Variants in AKR1C8 observed in about 807,000 individuals in gnomAD.
AKR1C8 encodes the protein aldo-keto reductase family 1 member C-like protein 1.
At chr10:5,159,046 G>A in the AKR1C8 span, among the ~76,000 whole-genome samples, 1 of 152,154 alleles carries the variant, frequency 6.6e-6, no homozygotes, top group South Asian at 2.1e-4. Context: ...GTTTCCATTT[G>A]AGCCTAGAAG....
At chr10:5,127,142 T>A in the AKR1C8 span, among the ~76,000 whole-genome samples, 1 of 152,054 alleles carries the variant, frequency 6.6e-6, no homozygotes, top group Non-Finnish European at 1.5e-5. Flanking sequence ...AAATACCAGA[T>A]AATGAATTTA....
At chr10:5,161,024 C>T in the AKR1C8 span, 1 of 394,286 alleles carries the variant, frequency 2.5e-6, no homozygotes, top group Non-Finnish European at 5.0e-6. Flanking sequence ...CATATTTGTG[C>T]CTACATTTGC....
the AKR1C8 span, among the ~76,000 whole-genome samples, chr10:5,141,510 A>G: frequency 1.3e-5 from 2 of 152,182 alleles, no homozygotes; most frequent in Non-Finnish European, 2.9e-5. Flanking sequence ...TAGATTCATC[A>G]GAAGAATCAT....
chr10:5,171,201 G>C, the AKR1C8 span, among the ~76,000 whole-genome samples: 1 of 152,038 alleles, frequency 6.6e-6, no homozygotes, highest in Admixed American at 6.6e-5. Flanking sequence ...AAGAGTACCT[G>C]TTAGAGCTTT....
chr10:5,133,363 G>A, the AKR1C8 span, among the ~76,000 whole-genome samples: 5 of 152,176 alleles, frequency 3.3e-5, no homozygotes, highest in South Asian at 2.1e-4. Context: ...AAAATGCTGC[G>A]ATTACAGGCG....
the AKR1C8 span, among the ~76,000 whole-genome samples, chr10:5,119,637 G>A: frequency 6.6e-5 from 10 of 152,194 alleles, no homozygotes; most frequent in African/African-American, 1.4e-4. Flanking sequence ...ATAAAGTGAA[G>A]AAGTGAAAGG....
the AKR1C8 span, chr10:5,135,169 C>T: frequency 4.4e-6 from 1 of 224,946 alleles, no homozygotes. Flanking sequence ...GTGCCAAATC[C>T]TAATACAGGC....
the AKR1C8 span, among the ~76,000 whole-genome samples, chr10:5,156,791 C>T: frequency 6.6e-6 from 1 of 152,138 alleles, no homozygotes; most frequent in African/African-American, 2.4e-5. Flanking sequence ...TAATCTAGAA[C>T]TACAATATTT....
At chr10:5,130,775 T>A in the AKR1C8 span, among the ~76,000 whole-genome samples, 1 of 151,808 alleles carries the variant, frequency 6.6e-6, no homozygotes, top group African/African-American at 2.4e-5. Flanking sequence ...AAAGAAATGA[T>A]ACATAAGACA....
chr10:5,157,329 G>A, the AKR1C8 span, among the ~76,000 whole-genome samples: 1 of 151,716 alleles, frequency 6.6e-6, no homozygotes, highest in African/African-American at 2.4e-5. Flanking sequence ...AGAAGGTGAA[G>A]GAGAAGAATC....
chr10:5,177,258 C>T, the AKR1C8 span, among the ~76,000 whole-genome samples: 6 of 151,914 alleles, frequency 3.9e-5, no homozygotes, highest in South Asian at 1.3e-3. Flanking sequence ...GTCTTTGGTT[C>T]TGTTTATATG....
the AKR1C8 span, among the ~76,000 whole-genome samples, chr10:5,152,862 CGG>C: frequency 2.0e-5 from 3 of 151,830 alleles, no homozygotes; most frequent in Non-Finnish European, 4.4e-5. Context: ...GATTTTAATG[CGG>C]GGAGATATTT....
At chr10:5,151,817 A>G in the AKR1C8 span, among the ~76,000 whole-genome samples, 1 of 152,114 alleles carries the variant, frequency 6.6e-6, no homozygotes, top group Non-Finnish European at 1.5e-5. Flanking sequence ...TCGGCCTCCC[A>G]AAGTGCTGGG....
At chr10:5,125,919 G>A in the AKR1C8 span, among the ~76,000 whole-genome samples, 2 of 152,176 alleles carry the variant, frequency 1.3e-5, no homozygotes, top group Non-Finnish European at 2.9e-5. Context: ...ATCTATCACT[G>A]TAGTCTGGCT....
the AKR1C8 span, among the ~76,000 whole-genome samples, chr10:5,172,771 T>C: frequency 6.6e-6 from 1 of 152,150 alleles, no homozygotes; most frequent in Non-Finnish European, 1.5e-5. Context: ...CCTTTTTTTC[T>C]TAAAAATATT....
the AKR1C8 span, among the ~76,000 whole-genome samples, chr10:5,149,538 G>C: frequency 6.6e-6 from 1 of 151,824 alleles, no homozygotes; most frequent in African/African-American, 2.4e-5. Context: ...TCTCTTTTTT[G>C]TGGTCTCAAA....
the AKR1C8 span, chr10:5,154,097 C>G: frequency 2.2e-6 from 1 of 463,944 alleles, no homozygotes; most frequent in South Asian, 1.6e-5. Context: ...TCTCTGTCAC[C>G]TAAAAGGAGG....
chr10:5,146,944 T>TA, the AKR1C8 span, among the ~76,000 whole-genome samples: 3 of 152,164 alleles, frequency 2.0e-5, no homozygotes, highest in Non-Finnish European at 4.4e-5. Context: ...GATACTGTCT[T>TA]AGTACATTTG....
the AKR1C8 span, among the ~76,000 whole-genome samples, chr10:5,176,780 G>A: frequency 1.3e-5 from 2 of 152,100 alleles, no homozygotes; most frequent in Non-Finnish European, 2.9e-5. Flanking sequence ...CTCTCTGTTT[G>A]TCTGTTATTG....
Sources: allele counts gnomAD v4.1 joint callset (sites outside exome capture counted in the v4.1 genomes callset), GRCh38; gene constraint gnomAD v4.1.1; transcripts MANE v1.5; gene names NCBI Gene and HGNC (gene_info 2026-07-23, HGNC 2026-07-21).